Variants in DACH1 observed in about 807,000 individuals in gnomAD.
The protein encoded by DACH1 is dachshund family transcription factor 1, also known as dachshund homolog 1.
In DACH1, 12 loss-of-function variants were observed where a neutral mutation model predicts 54.2. The ratio of observed to expected loss-of-function variants is 0.22; its 90% confidence interval spans 0.14 to 0.36. The LOEUF is 0.36. DACH1 is among the 10% of genes least tolerant of loss of function. The probability of loss-of-function intolerance (pLI) is 1.00; values close to 1 mark genes in which losing one functional copy is unlikely to be tolerated. For synonymous variants in DACH1, 386 were observed against 366.2 expected, an observed-to-expected ratio of 1.05 and a Z score of -0.62; for missense variants, 805 against 929.8, an observed-to-expected ratio of 0.87 and a Z score of 1.75.
intron 6 of DACH1, among the ~76,000 whole-genome samples, chr13:71,523,647 C>A (rs1012200644): frequency 6.6e-6 from 1 of 152,068 alleles, no homozygotes; most frequent in African/African-American, 2.4e-5. Context: ...GCATTACTGT[C>A]TCTTAGATTT....
At chr13:71,578,009 A>C (rs1885640980) in intron 3 of DACH1, among the ~76,000 whole-genome samples, 1 of 152,248 alleles carries the variant, frequency 6.6e-6, no homozygotes, top group African/African-American at 2.4e-5. Context: ...GATAGAAGAC[A>C]CATAAAATAA....
At chr13:71,845,333 GCC>G (rs1400847536) in intron 1 of DACH1, among the ~76,000 whole-genome samples, 2 of 152,116 alleles carry the variant, frequency 1.3e-5, no homozygotes, top group African/African-American at 4.8e-5. Context: ...ATGAAAGTGT[GCC>G]AATATGAAAA....
chr13:71,495,440 G>GCAAA (rs1879325200), intron 6 of DACH1, among the ~76,000 whole-genome samples: 1 of 151,738 alleles, frequency 6.6e-6, no homozygotes, highest in Non-Finnish European at 1.5e-5. Flanking sequence ...AAGTGTTTTG[G>GCAAA]CAAACTTACT....
At chr13:71,800,143 A>G (rs1043120691) in intron 1 of DACH1, among the ~76,000 whole-genome samples, 3 of 152,068 alleles carry the variant, frequency 2.0e-5, no homozygotes, top group African/African-American at 7.2e-5. Context: ...CATTTATAAA[A>G]AGCGAAAGTT....
chr13:71,564,429 C>T (rs74779653), intron 4 of DACH1, among the ~76,000 whole-genome samples: 2 of 149,730 alleles, frequency 1.3e-5, no homozygotes, highest in African/African-American at 2.5e-5. Context: ...TTATAAAACT[C>T]GCCACAATAA....
chr13:71,767,149 CTG>C (rs1407266839), intron 1 of DACH1, among the ~76,000 whole-genome samples: 2 of 151,772 alleles, frequency 1.3e-5, no homozygotes, highest in Non-Finnish European at 2.9e-5. Flanking sequence ...ATATTTAACA[CTG>C]TTTATCAATA....
rs552808622 is a variant in DACH1 at position 71,519,883 on chromosome 13, G to GTGTATATATATATATATA, written c.1571-30736_1571-30735insTATATATATATATATACA. Reference sequence around the variant, plus strand: ...AGATGTTTGTGTCCAAACCAAAGTAGTATATATATATATATATATATATAT... The same window carrying GTGTATATATATATATATA: ...AGATGTTTGTGTCCAAACCAAAGTAGTGTATATATATATATATATATATATATATATATATATATATAT... On this transcript the variant is annotated intron_variant, in intron 6 of 10. Coordinates refer to ENST00000613252, the MANE Select transcript of DACH1 (RefSeq NM_080759.6). Among the ~76,000 whole-genome samples the GTGTATATATATATATATA allele has an allele frequency of 4.1e-3, 119 of 29,302 alleles. 16 individuals carry two copies. The highest frequency in any genetic ancestry group is 8.1e-3 in the Non-Finnish European group (82 of 10,146). The allele number at this position is 29,302 out of a possible 152,430, so 19.2% of individuals were successfully genotyped here.
Position 71,536,035 on chromosome 13 carries a change from T to A in DACH1, c.1570+20989A>T, listed in dbSNP as rs573371861. The stretch of plus-strand genomic sequence containing the variant: ...ATTTGTTTTATTTGATAAAACTATT[T>A]ACTTTTATTTCATTTTGATAGTAAA... On this transcript the variant is annotated intron_variant, in intron 6 of 10. Coordinates refer to ENST00000613252, the MANE Select transcript of DACH1 (RefSeq NM_080759.6). Among the ~76,000 whole-genome samples, 301 of 152,218 alleles carry A rather than the reference T, an allele frequency of 2.0e-3. 2 individuals are homozygous for A. The highest frequency in any genetic ancestry group is 3.5e-3 in the Non-Finnish European group (235 of 67,950).
At chr13:71,528,918 G>A (rs1343817701) in intron 6 of DACH1, among the ~76,000 whole-genome samples, 2 of 151,856 alleles carry the variant, frequency 1.3e-5, no homozygotes, top group East Asian at 1.9e-4. Context: ...CATTACTAAT[G>A]GTATTAATAT....
chr13:71,617,535 A>G (rs1309587816), intron 3 of DACH1, among the ~76,000 whole-genome samples: 1 of 152,226 alleles, frequency 6.6e-6, no homozygotes, highest in Non-Finnish European at 1.5e-5. Flanking sequence ...AGAAATGCTT[A>G]TGAATAAGTG....
chr13:71,548,008 G>A (rs572546287), intron 6 of DACH1, among the ~76,000 whole-genome samples: 2 of 152,292 alleles, frequency 1.3e-5, no homozygotes, highest in Admixed American at 1.3e-4. Context: ...TAAAGCATTT[G>A]TGTGTATGCA....
intron 1 of DACH1, among the ~76,000 whole-genome samples, chr13:71,832,004 T>G (rs1025946613): frequency 3.3e-5 from 5 of 151,954 alleles, no homozygotes; most frequent in African/African-American, 2.4e-5. Flanking sequence ...ATCTGTTTCT[T>G]CAACTGATGT....
At chr13:71,816,013 A>T (rs959450884) in intron 1 of DACH1, among the ~76,000 whole-genome samples, 7 of 151,944 alleles carry the variant, frequency 4.6e-5, no homozygotes, top group African/African-American at 1.7e-4. Flanking sequence ...TGAACCCGGG[A>T]GGCGGAGCTT....
At chr13:71,617,979 C>G (rs1875910141) in intron 3 of DACH1, among the ~76,000 whole-genome samples, 1 of 152,012 alleles carries the variant, frequency 6.6e-6, no homozygotes, top group East Asian at 1.9e-4. Flanking sequence ...ATGTCATATC[C>G]ATTAACATTT....
intron 1 of DACH1, among the ~76,000 whole-genome samples, chr13:71,714,426 GA>G (rs1566452643): frequency 6.6e-6 from 1 of 151,894 alleles, no homozygotes; most frequent in Non-Finnish European, 1.5e-5. Flanking sequence ...AAAATAGTAA[GA>G]ATCCTTTTCG....
At chr13:71,556,370 A>G (rs1415559494) in intron 6 of DACH1, among the ~76,000 whole-genome samples, 1 of 152,166 alleles carries the variant, frequency 6.6e-6, no homozygotes, top group Non-Finnish European at 1.5e-5. Flanking sequence ...TTTAACACTT[A>G]CAATTTGAAA....
intron 1 of DACH1, among the ~76,000 whole-genome samples, chr13:71,799,465 G>A (rs935458344): frequency 5.3e-5 from 8 of 152,060 alleles, no homozygotes; most frequent in African/African-American, 1.7e-4. Context: ...GGCTGGTGCT[G>A]TACACTGCAG....
chr13:71,547,808 T>A (rs1284526610), intron 6 of DACH1, among the ~76,000 whole-genome samples: 1 of 152,120 alleles, frequency 6.6e-6, no homozygotes, highest in Non-Finnish European at 1.5e-5. Flanking sequence ...GTCTTTGGGA[T>A]TTACCTAAGC....
intron 1 of DACH1, among the ~76,000 whole-genome samples, chr13:71,791,252 G>A (rs752949919): frequency 1.3e-5 from 2 of 152,022 alleles, no homozygotes; most frequent in African/African-American, 2.4e-5. Context: ...TTGCTCTTTC[G>A]GACGTCAAAC....
Sources: allele counts gnomAD v4.1 joint callset (sites outside exome capture counted in the v4.1 genomes callset), GRCh38; gene constraint gnomAD v4.1.1; transcripts MANE v1.5; gene names NCBI Gene and HGNC (gene_info 2026-07-23, HGNC 2026-07-21).